RP1: variants seen among roughly 807,000 people sequenced by gnomAD.
The protein encoded by RP1 is RP1 axonemal microtubule associated.
Under a neutral mutation model 14.8 loss-of-function variants are expected in RP1, and 16 were observed. The ratio of observed to expected loss-of-function variants is 1.08; its 90% CI spans 0.73 to 1.65. The LOEUF is 1.65. Among genes scored for constraint, RP1 ranks in the 40% most tolerant of loss-of-function variants. RP1 has a pLI of 0.00. For synonymous variants in RP1, 876 were observed against 883.6 expected, an observed-to-expected ratio of 0.99 and a Z score of 0.15; for missense variants, 2,631 against 2,535.0, an observed-to-expected ratio of 1.04 and a Z score of -0.81.
chr8:54,797,289 T>C (rs1039727953), intron 24 of RP1, among the ~76,000 whole-genome samples: 4 of 152,156 alleles, frequency 2.6e-5, no homozygotes, highest in African/African-American at 9.7e-5. Context: ...CTCTTCATCA[T>C]CTTTGAGACT....
chr8:54,704,282 T>A lies in RP1; in HGVS notation c.1999-2161T>A, dbSNP rs181388820. ...TGAACACTTAGAGGCCATTATAGGG[T>A]TATTGATTAGACTAATTTCAATATT... On this transcript the variant is annotated intron_variant, in intron 14 of 22. Coordinates refer to the RP1 transcript ENST00000636932. Among the ~76,000 whole-genome samples the A allele has an allele frequency of 4.8e-4, 73 of 152,268 alleles. No homozygotes were observed. In the East Asian group the frequency reaches 0.013, roughly 27 times the overall value.
At chr8:54,758,306 T>C (rs995461182) in intron 21 of RP1, among the ~76,000 whole-genome samples, 9 of 152,310 alleles carry the variant, frequency 5.9e-5, no homozygotes, top group Admixed American at 2.6e-4. Context: ...TGAATCTCTC[T>C]GGAAATGTCA....
intron 1 of RP1, among the ~76,000 whole-genome samples, chr8:54,572,560 G>T (rs1049215766): frequency 7.9e-5 from 12 of 152,296 alleles, no homozygotes; most frequent in Non-Finnish European, 7.4e-5. Flanking sequence ...GGTTCTTTTC[G>T]TGTTGAAAGC....
At chr8:54,771,535 T>G (rs1809907425), downstream of RP1, among the ~76,000 whole-genome samples, 1 of 152,060 alleles carries the variant, frequency 6.6e-6, no homozygotes, top group Non-Finnish European at 1.5e-5. Context: ...TTTGATTAAA[T>G]TAAGCTATTT....
upstream of RP1, among the ~76,000 whole-genome samples, chr8:54,612,031 G>A (rs147843726): frequency 1.4e-4 from 21 of 151,964 alleles, 1 homozygote; most frequent in South Asian, 2.5e-3. Context: ...GTTTTTCCCT[G>A]AGCATATGAG....
rs748709396 is a variant in RP1 at position 54,627,036 on chromosome 8, GT to G, written c.3157del (p.Tyr1053ThrfsTer4). 7.4e-6 allele frequency: 12 copies of G among 1,613,844 alleles called. No individual in the cohort carries two copies. The highest frequency in any genetic ancestry group is 1.0e-5 in the Non-Finnish European group (12 of 1,179,948). On this transcript the variant is annotated frameshift_variant, in exon 4 of 4. Transcript: ENST00000220676. LOFTEE classifies it low-confidence loss of function (END_TRUNC). ...AEKSGPEKKL[V>X]YQEINLARKR... ...AAAATCAGGACCAGAGAAAAAACTT[GT>G]TTACCAGGAAATAAACCTAGCTAGA...
At chr8:54,774,559 T>C (rs145454421), downstream of RP1, among the ~76,000 whole-genome samples, 2 of 152,178 alleles carry the variant, frequency 1.3e-5, no homozygotes, top group Non-Finnish European at 2.9e-5. Flanking sequence ...TCAGGAAGTG[T>C]TAAGTGAGCA....
At chr8:54,568,049 G>T (rs774603839) in intron 1 of RP1, among the ~76,000 whole-genome samples, 4 of 152,186 alleles carry the variant, frequency 2.6e-5, no homozygotes, top group Non-Finnish European at 5.9e-5. Context: ...TTTCCATTCT[G>T]CTGTGATTGG....
chr8:54,738,869 A>T, intron 18 of RP1: 1 of 975,536 alleles, frequency 1.0e-6, no homozygotes, highest in Non-Finnish European at 1.4e-6. Flanking sequence ...CAGTTAGTGT[A>T]AAAAGAAAGA....
intron 17 of RP1, among the ~76,000 whole-genome samples, chr8:54,731,092 A>G (rs954471113): frequency 1.2e-4 from 19 of 152,294 alleles, no homozygotes; most frequent in Middle Eastern, 3.4e-3. Flanking sequence ...CTCTGATGGT[A>G]ATTCATGCTT....
intron 14 of RP1, among the ~76,000 whole-genome samples, chr8:54,701,894 G>A (rs1389839051): frequency 6.6e-6 from 1 of 152,140 alleles, no homozygotes; most frequent in Non-Finnish European, 1.5e-5. Context: ...ATTGAAGTTG[G>A]AGATTTAACT....
chr8:54,859,607 G>A (rs535447299), intron 27 of RP1, among the ~76,000 whole-genome samples: 2 of 151,734 alleles, frequency 1.3e-5, no homozygotes, highest in African/African-American at 2.4e-5. Context: ...CACTGTAGAG[G>A]GGTGTCACTG....
chr8:54,626,427 G>A lies in RP1; in HGVS notation c.2545G>A (p.Gly849Arg), dbSNP rs1806051809. ...AGAAGTGGCATCTGGGTATTTGAGA[G>A]GAATGGCAAAGAAGAGTTTAGTTTC... is the stretch of plus-strand genomic sequence containing the variant. Reference protein sequence around the residue: ...QAEVASGYLRGMAKKSLVSKV... With the variant: ...QAEVASGYLRRMAKKSLVSKV... Residue 849 changes from glycine to arginine, a missense_variant, in exon 4 of 4, where the codon GGA (glycine) becomes AGA (arginine). By Grantham distance (125) the Gly-to-Arg change is moderately radical. Coordinates refer to ENST00000220676, the MANE Select transcript of RP1 (RefSeq NM_006269.2). The A allele has an allele frequency of 1.2e-6, 2 of 1,613,618 alleles. No individual in the cohort carries two copies. Among genetic ancestry groups the A allele is most frequent in the Non-Finnish European group, 1.7e-6 (2 of 1,179,866 alleles).
downstream of RP1, chr8:54,770,259 A>G (rs1208007474): frequency 2.5e-6 from 1 of 397,540 alleles, no homozygotes; most frequent in African/African-American, 2.1e-5. Flanking sequence ...TTTATAGTAC[A>G]TTCTTATTGA....
chr8:54,591,659 T>C (rs1406706086), intron 1 of RP1, among the ~76,000 whole-genome samples: 1 of 152,132 alleles, frequency 6.6e-6, no homozygotes, highest in Non-Finnish European at 1.5e-5. Flanking sequence ...CCAAACTTAG[T>C]ACTAAAACAA....
chr8:54,734,339 C>T (rs1173234265), intron 17 of RP1, among the ~76,000 whole-genome samples: 1 of 152,094 alleles, frequency 6.6e-6, no homozygotes, highest in African/African-American at 2.4e-5. Context: ...ATCCAGTTTA[C>T]TTCGGTGATT....
At chr8:54,604,126 G>A (rs985855550) in intron 1 of RP1, among the ~76,000 whole-genome samples, 1 of 152,192 alleles carries the variant, frequency 6.6e-6, no homozygotes, top group African/African-American at 2.4e-5. Flanking sequence ...AGTTTTCAGA[G>A]GGTATGCTTC....
rs1221618828 is a variant in RP1 at position 54,627,937 on chromosome 8, A to T, written c.4055A>T (p.Tyr1352Phe). 1.2e-6 allele frequency: 2 copies of T among 1,614,080 alleles called. No homozygotes were observed. The highest frequency in any genetic ancestry group is 2.7e-5 in the African/African-American group (2 of 75,066). ...IDFLNSKENT[Y>F]TDNLDSTEEL... ...TTTTTAAACTCCAAAGAAAACACAT[A>T]TACTGATAACTTGGATTCAACTGAA... Residue 1352 changes from tyrosine (Y) to phenylalanine (F), a missense_variant, in exon 4 of 4, where the codon TAT becomes TTT. Coordinates refer to ENST00000220676, the MANE Select transcript of RP1 (RefSeq NM_006269.2).
intron 24 of RP1, among the ~76,000 whole-genome samples, chr8:54,807,115 A>G (rs531000362): frequency 6.6e-6 from 1 of 152,250 alleles, no homozygotes; most frequent in South Asian, 2.1e-4. Flanking sequence ...ATATAATTAA[A>G]TCTCCTCCAC....
Sources: gnomAD v4.1 joint callset for allele counts (sites outside exome capture counted in the v4.1 genomes callset) on GRCh38, gnomAD v4.1.1 for gene constraint, MANE v1.5 for transcripts, NCBI Gene and HGNC (gene_info 2026-07-23, HGNC 2026-07-21) for gene names.